The following MGST1 variants were observed in gnomAD, a reference collection of about 807,000 sequenced individuals.
MGST1 encodes glutathione S-transferase 12.
Under a neutral mutation model 8.9 loss-of-function variants are expected in MGST1, and 5 were observed. The ratio of observed to expected loss-of-function variants is 0.56; its 90% CI spans 0.29 to 1.19. The LOEUF (loss-of-function observed/expected upper bound fraction) is 1.19, where lower values mean the gene tolerates loss of function less well. Ranked by LOEUF, MGST1 falls within the 50% of genes most tolerant of loss-of-function variation. The pLI is 0.08. For synonymous variants in MGST1, 54 were observed against 67.8 expected (o/e 0.80, Z 1.00); for missense variants, 182 against 187.4 (o/e 0.97, Z 0.17).
chr12:16,481,005 T>C (rs1941360942), intron 4 of MGST1, among the ~76,000 whole-genome samples: 1 of 152,122 alleles, frequency 6.6e-6, no homozygotes, highest in South Asian at 2.1e-4. Flanking sequence ...AAAAATAGGC[T>C]GTGGGCAACA....
intron 4 of MGST1, among the ~76,000 whole-genome samples, chr12:16,484,086 A>G (rs1941382984): frequency 6.6e-6 from 1 of 152,206 alleles, no homozygotes; most frequent in Non-Finnish European, 1.5e-5. Context: ...AAATATCCTC[A>G]AAGCAAAAAT....
At chr12:16,486,140 C>T (rs117401956) in intron 4 of MGST1, among the ~76,000 whole-genome samples, 1 of 152,162 alleles carries the variant, frequency 6.6e-6, no homozygotes, top group Non-Finnish European at 1.5e-5. Flanking sequence ...TCCTCTGATA[C>T]AAAATTACAT....
intron 4 of MGST1, among the ~76,000 whole-genome samples, chr12:16,572,105 G>A (rs1311007606): frequency 6.6e-6 from 1 of 151,864 alleles, no homozygotes; most frequent in Non-Finnish European, 1.5e-5. Context: ...ATGGTATCCT[G>A]CAAGAAAAAG....
intron 4 of MGST1, among the ~76,000 whole-genome samples, chr12:16,486,444 A>T (rs1029523365): frequency 1.3e-5 from 2 of 152,252 alleles, no homozygotes; most frequent in South Asian, 4.1e-4. Context: ...AATGTATAAA[A>T]TAATTGGCAA....
In MGST1 at chr12:16,513,277, C is replaced by T. The variant is rs528229036; in HGVS notation, n.483-76251C>T. Reference sequence around the variant, plus strand: ...ATAACTTATTTCCTGTTTTAGCTCTCCCTGCTTACTCTGATTCTCTCCACA... The same window carrying T: ...ATAACTTATTTCCTGTTTTAGCTCTTCCTGCTTACTCTGATTCTCTCCACA... On this transcript the variant is annotated intron_variant and non_coding_transcript_variant, in intron 4 of 4. Coordinates refer to the MGST1 transcript ENST00000538857. This position sits in a 1 kb window ranked among gnomAD's most constrained non-coding sequence, Gnocchi z 4.2. Among the ~76,000 whole-genome samples, 18 of 152,304 alleles carry T rather than the reference C, an allele frequency of 1.2e-4. No homozygotes were observed. The South Asian group carries it at 3.7e-3, about 32-fold the overall frequency.
chr12:16,464,178 C>A (rs1205207748), intron 4 of MGST1, among the ~76,000 whole-genome samples: 1 of 152,194 alleles, frequency 6.6e-6, no homozygotes, highest in Non-Finnish European at 1.5e-5. Flanking sequence ...AGATCCTGCA[C>A]ATAGTGAATG....
Position 16,544,930 on chromosome 12 carries a change from C to T in MGST1, n.483-44598C>T, listed in dbSNP as rs1941814744. Among the ~76,000 whole-genome samples the T allele has an allele frequency of 2.0e-5, 3 of 151,906 alleles. No homozygotes were observed. Among genetic ancestry groups the T allele is most frequent in the South Asian group, 4.1e-4 (2 of 4,824 alleles). ...CTTGTGCCCCAACCAAGGTTCATATCGTCAATAACACAGATCCTGTAAGTT... is the reference window on the plus strand; with the variant it reads ...CTTGTGCCCCAACCAAGGTTCATATTGTCAATAACACAGATCCTGTAAGTT... On this transcript the variant is annotated intron_variant and non_coding_transcript_variant, in intron 4 of 4. Transcript: ENST00000538857. The surrounding 1 kb of genome is among the most constrained non-coding windows in gnomAD (Gnocchi z 4.8).
At chr12:16,388,708 C>G (rs1237059678) in intron 1 of MGST1, among the ~76,000 whole-genome samples, 1 of 152,092 alleles carries the variant, frequency 6.6e-6, no homozygotes, top group Non-Finnish European at 1.5e-5. Flanking sequence ...ACTGGAAACA[C>G]TTAGTGGAAC....
chr12:16,483,505 AAT>A (rs1941378783), intron 4 of MGST1, among the ~76,000 whole-genome samples: 1 of 152,146 alleles, frequency 6.6e-6, no homozygotes, highest in Non-Finnish European at 1.5e-5. Context: ...AATGATTTCA[AAT>A]ATGTTAACAA....
intron 1 of MGST1, among the ~76,000 whole-genome samples, chr12:16,426,562 G>T (rs987783490): frequency 6.6e-6 from 1 of 152,130 alleles, no homozygotes; most frequent in African/African-American, 2.4e-5. Flanking sequence ...GTTCATGTGT[G>T]ACTTCTTGAT....
At chr12:16,477,373 TA>T (rs1941331321) in intron 4 of MGST1, among the ~76,000 whole-genome samples, 1 of 152,332 alleles carries the variant, frequency 6.6e-6, no homozygotes, top group Admixed American at 6.5e-5. Context: ...TGTGAACTTA[TA>T]AAATTTCATG....
In MGST1 at chr12:16,400,034, C is replaced by T. The variant is rs962091958; in HGVS notation, n.778+16430C>T. 10 of 1,573,294 alleles carry T rather than the reference C, an allele frequency of 6.4e-6. No individual in the cohort carries two copies. In the African/African-American group the frequency reaches 9.5e-5, roughly 15 times the overall value. ...TTAAATCCCAAGTCCCTAAAAGGCA[C>T]TTCAAATTCCAGTTCCTCCTTAGTT... On this transcript the variant is annotated intron_variant and non_coding_transcript_variant, in intron 1 of 1. Transcript: ENST00000359720.
At position 16,548,046 on chromosome 12, in the gene MGST1, A is replaced by C. The variant is rs1941852999; in HGVS notation, n.483-41482A>C. Among the ~76,000 whole-genome samples the C allele has an allele frequency of 6.6e-6, 1 of 152,202 alleles. No homozygotes were observed. The highest frequency in any genetic ancestry group is 6.5e-5 in the Admixed American group (1 of 15,272). ...TTTTAATTCATTATACAGAATAGAA[A>C]ATTTGAAATTTAATCTGACAACAGC... On this transcript the variant is annotated intron_variant and non_coding_transcript_variant, in intron 4 of 4. Coordinates refer to the MGST1 transcript ENST00000538857. The surrounding 1 kb of genome is among the most constrained non-coding windows in gnomAD (Gnocchi z 4.2).
intron 4 of MGST1, among the ~76,000 whole-genome samples, chr12:16,575,264 A>G (rs1942957612): frequency 6.6e-6 from 1 of 152,218 alleles, no homozygotes; most frequent in Non-Finnish European, 1.5e-5. Context: ...TTATCTTCAA[A>G]AATATAGGCA....
exon 2 of MGST1, chr12:16,438,339 T>A (rs1481261894): frequency 6.6e-6 from 1 of 151,732 alleles, no homozygotes; most frequent in Non-Finnish European, 1.5e-5. Context: ...ACATTGACAG[T>A]GGGGGAGTTA....
chr12:16,479,345 C>T (rs1227736248), intron 4 of MGST1, among the ~76,000 whole-genome samples: 2 of 147,946 alleles, frequency 1.4e-5, no homozygotes, highest in African/African-American at 5.0e-5. Flanking sequence ...CGCCATTCTC[C>T]TGCCTCAGCC....
At chr12:16,557,340 T>C (rs1942228096) in intron 4 of MGST1, among the ~76,000 whole-genome samples, 1 of 150,382 alleles carries the variant, frequency 6.6e-6, no homozygotes, top group East Asian at 1.9e-4. Context: ...AATGAAATAC[T>C]ATCTTTCATC....
At chr12:16,408,285 A>G (rs975086900) in intron 1 of MGST1, among the ~76,000 whole-genome samples, 1 of 152,122 alleles carries the variant, frequency 6.6e-6, no homozygotes, top group Non-Finnish European at 1.5e-5. Context: ...TAGACTTAGT[A>G]CCTGGGTGAC....
chr12:16,367,948 G>A (rs915316720), downstream of MGST1, among the ~76,000 whole-genome samples: 8 of 150,840 alleles, frequency 5.3e-5, no homozygotes, highest in Non-Finnish European at 1.0e-4. Context: ...TCTTCTGACT[G>A]ATACATTCTC....
Sources: allele counts gnomAD v4.1 joint callset (sites outside exome capture counted in the v4.1 genomes callset), GRCh38; gene constraint gnomAD v4.1.1; non-coding constraint Gnocchi (gnomAD v3.1); transcripts MANE v1.5; gene names NCBI Gene and HGNC (gene_info 2026-07-23, HGNC 2026-07-21).